NUBP1: variants seen among roughly 807,000 people sequenced by gnomAD.
NUBP1 encodes NUBP iron-sulfur cluster assembly factor 1, cytosolic.
A neutral mutation model predicts 41.8 loss-of-function variants in NUBP1; 46 were observed. The ratio of observed to expected loss-of-function variants is 1.10; its 90% CI spans 0.87 to 1.41. The LOEUF is 1.41. Ranked by LOEUF, NUBP1 falls within the 40% of genes most tolerant of loss-of-function variation. The pLI, the probability that NUBP1 is intolerant of heterozygous loss-of-function variation, is 0.00. For synonymous variants in NUBP1, 189 were observed against 154.6 expected, an observed-to-expected ratio of 1.22 and a Z score of -1.65; for missense variants, 494 against 414.0, an observed-to-expected ratio of 1.19 and a Z score of -1.68.
At chr16:10,762,154 T>C (rs907980343) in intron 9 of NUBP1, 1 of 260,410 alleles carries the variant, frequency 3.8e-6, no homozygotes, top group Admixed American at 4.9e-5. Context: ...GGGCACCCGA[T>C]AGAGGGGCGG....
intron 3 of NUBP1, among the ~76,000 whole-genome samples, chr16:10,751,812 G>C (rs189198315): frequency 1.3e-5 from 2 of 152,326 alleles, no homozygotes; most frequent in African/African-American, 4.8e-5. Context: ...GGAAAACAGG[G>C]CTTGGTCAGG....
intron 4 of NUBP1, among the ~76,000 whole-genome samples, chr16:10,754,676 G>A (rs1266078515): frequency 6.6e-6 from 1 of 152,184 alleles, no homozygotes; most frequent in Non-Finnish European, 1.5e-5. Flanking sequence ...AGGCTGGGAG[G>A]ATGTGAGACA....
In NUBP1 at chr16:10,765,464, C is replaced by A. The variant is rs1172267041; in HGVS notation, c.821-2485C>A. On this transcript the variant is annotated intron_variant, in intron 9 of 10. Coordinates refer to ENST00000283027, the MANE Select transcript of NUBP1 (RefSeq NM_002484.4). The surrounding 1 kb of genome is among the most constrained non-coding windows in gnomAD (Gnocchi z 4.0). ...TTGAGGTTGCAGTGAGCCATGATCA[C>A]ACCACTGCACTCCAGCCTGGGCGAC... Among the ~76,000 whole-genome samples, 1 of 151,938 alleles carries A rather than the reference C, an allele frequency of 6.6e-6. No individual in the cohort carries two copies. Among genetic ancestry groups the A allele is most frequent in the East Asian group, 1.9e-4 (1 of 5,184 alleles).
rs1442785271 is a variant in NUBP1, at chr16:10,768,839, G to T, written c.905-208G>T. The T allele has an allele frequency of 2.3e-5, 12 of 524,096 alleles. No individual in the cohort carries two copies. Among genetic ancestry groups the T allele is most frequent in the Middle Eastern group, 4.9e-4 (1 of 2,060 alleles). 32.5% of individuals were successfully genotyped at this position (524,096 alleles called of 1,614,324 possible). A position where few individuals can be genotyped will look rare whatever the true frequency, so the allele number is the denominator to read the frequency against. ...CTCCATCTATAGATGGTCCGAGGAA[G>T]GCCGCAGCCACTGGTTATGAGCAAG... On this transcript the variant is annotated intron_variant, in intron 10 of 10. Coordinates refer to ENST00000283027, the MANE Select transcript of NUBP1 (RefSeq NM_002484.4). The surrounding 1 kb of genome is among the most constrained non-coding windows in gnomAD (Gnocchi z 4.3).
chr16:10,743,851 CA>C lies in NUBP1; in HGVS notation c.-10del. The C allele has an allele frequency of 6.4e-7, 1 of 1,560,546 alleles. No individual in the cohort carries two copies. Among genetic ancestry groups the C allele is most frequent in the Non-Finnish European group, 8.7e-7 (1 of 1,152,516 alleles). ...CGGGTTCCGGTGACCACGAAGGCGG[CA>C]AAGGCGACGGAATGGAGGAGGTGCC... On this transcript the variant is annotated 5_prime_UTR_variant, in exon 1 of 11. Coordinates refer to ENST00000283027, the MANE Select transcript of NUBP1 (RefSeq NM_002484.4).
At position 10,759,016 on chromosome 16, in the gene NUBP1, C is replaced by A. The variant is rs752436591; in HGVS notation, c.606+989C>A. ...GGGCTCTTCTCCATCTCCACAGTTA[C>A]GCCTGACTTCTCTTCATGACGTTCT... is the stretch of plus-strand genomic sequence containing the variant. On this transcript the variant is annotated intron_variant, in intron 7 of 10. Coordinates refer to ENST00000283027, the MANE Select transcript of NUBP1 (RefSeq NM_002484.4). This position sits in a 1 kb window ranked among gnomAD's most constrained non-coding sequence, Gnocchi z 4.7. Among the ~76,000 whole-genome samples the A allele has an allele frequency of 6.6e-6, 1 of 152,174 alleles. No homozygotes were observed.
chr16:10,769,021 T>C, intron 10 of NUBP1, 26 bp from the exon 11 acceptor site: 1 of 1,612,926 alleles, frequency 6.2e-7, no homozygotes, highest in South Asian at 1.1e-5. Flanking sequence ...CCATTAGCAC[T>C]CTATGCCTGT....
intron 9 of NUBP1, chr16:10,764,945 C>T (rs62027826): frequency 0.29 from 50,785 of 177,828 alleles, 7,501 homozygotes; most frequent in South Asian, 0.37. Flanking sequence ...TGGCTGCTGT[C>T]GAGGAAAGCT....
intron 3 of NUBP1, 86 bp from the exon 4 acceptor site, chr16:10,752,524 C>T (rs1474680998): frequency 1.9e-5 from 21 of 1,099,558 alleles, no homozygotes; most frequent in Non-Finnish European, 2.8e-5. Flanking sequence ...TGTCCTTTTC[C>T]TCTAACCCCG....
chr16:10,756,809 C>T (rs1249386548), intron 6 of NUBP1, 29 bp downstream of exon 6: 7 of 1,562,320 alleles, frequency 4.5e-6, no homozygotes, highest in Non-Finnish European at 6.1e-6. Flanking sequence ...TTTTGTCTCT[C>T]ACATTCTTCC....
intron 4 of NUBP1, among the ~76,000 whole-genome samples, 157 bp downstream of exon 4, chr16:10,752,835 G>A (rs1056547787): frequency 1.3e-5 from 2 of 152,110 alleles, no homozygotes; most frequent in Admixed American, 6.5e-5. Context: ...CACTCTTGTC[G>A]CCCGGGCTGG....
intron 2 of NUBP1, 147 bp from the exon 3 acceptor site, chr16:10,746,996 T>C (rs1182783737): frequency 3.5e-6 from 3 of 855,406 alleles, no homozygotes; most frequent in Non-Finnish European, 5.5e-6. Context: ...ATTTCTACCA[T>C]TGTCTGAGAG....
At chr16:10,753,849 GGT>G (rs1900433649) in intron 4 of NUBP1, among the ~76,000 whole-genome samples, 1 of 152,076 alleles carries the variant, frequency 6.6e-6, no homozygotes, top group Non-Finnish European at 1.5e-5. Context: ...GCTGACACAA[GGT>G]GTCCTTGTGT....
chr16:10,748,134 A>G (rs1900147115), intron 3 of NUBP1, among the ~76,000 whole-genome samples: 1 of 151,978 alleles, frequency 6.6e-6, no homozygotes, highest in African/African-American at 2.4e-5. Context: ...GGTTTTTTGT[A>G]GAGATGAGGT....
At chr16:10,744,860 C>T (rs774640485) in intron 2 of NUBP1, among the ~76,000 whole-genome samples, 10 of 151,720 alleles carry the variant, frequency 6.6e-5, no homozygotes, top group Non-Finnish European at 1.5e-4. Context: ...CAGGTTCAAG[C>T]GATTCTCGTG....
rs771755709 is a variant in NUBP1, at chr16:10,744,004, A to C, written c.63A>C (p.Ser21=). ...GCGCCCAGGCGGGCAGAGGGGCTTC[A>C]TGTCAGGGATGCCCCAACCAGCGGC... is the stretch of plus-strand genomic sequence containing the variant. The part of the protein sequence containing the change: ...ADSAQAGRGA[S]CQGCPNQRLC... Residue 21 remains serine, a synonymous_variant, in exon 2 of 11, where the codon TCA becomes TCC. Transcript: ENST00000283027. 3.8e-6 allele frequency: 6 copies of C among 1,579,824 alleles called. No individual in the cohort carries two copies. In the African/African-American group the frequency reaches 8.3e-5, roughly 22 times the overall value.
chr16:10,768,031 G>A lies in NUBP1; in HGVS notation c.903G>A (p.Gln301=). Residue 301 remains glutamine, a splice_region_variant and synonymous_variant, in exon 10 of 11, where the codon CAG becomes CAA. Transcript: ENST00000283027. This position sits in a 1 kb window ranked among gnomAD's most constrained non-coding sequence, Gnocchi z 4.3. The part of the protein sequence containing the change: ...PATLAYRSII[Q]RIQEFCNLHQ... ...CGTTAGCCTACAGAAGTATAATTCA[G>A]AGTAAGTATTTCCATGAGTACTAAA... 6.2e-7 allele frequency: 1 copy of A among 1,613,842 alleles called. No individual in the cohort carries two copies. Among genetic ancestry groups the A allele is most frequent in the Middle Eastern group, 1.6e-4 (1 of 6,062 alleles).
At position 10,759,766 on chromosome 16, in the gene NUBP1, A is replaced by C. The variant is rs1900814414; in HGVS notation, c.607-1598A>C. Among the ~76,000 whole-genome samples, 1 of 152,096 alleles carries C rather than the reference A, an allele frequency of 6.6e-6. No homozygotes were observed. The highest frequency in any genetic ancestry group is 1.5e-5 in the Non-Finnish European group (1 of 68,020). On this transcript the variant is annotated intron_variant, in intron 7 of 10. Transcript: ENST00000283027. The surrounding 1 kb of genome is among the most constrained non-coding windows in gnomAD (Gnocchi z 4.7). Reference sequence around the variant, plus strand: ...ACTCCAGCCTGGGCGACAGAGCAAGACTCTGTCTCAAAAAAAGAAAGAAAG... The same window carrying C: ...ACTCCAGCCTGGGCGACAGAGCAAGCCTCTGTCTCAAAAAAAGAAAGAAAG...
At chr16:10,750,074 T>C (rs1026101871) in intron 3 of NUBP1, among the ~76,000 whole-genome samples, 12 of 152,186 alleles carry the variant, frequency 7.9e-5, no homozygotes, top group African/African-American at 2.9e-4. Context: ...GGTAAGCACC[T>C]GTAGTCCCAG....
Sources: allele counts gnomAD v4.1 joint callset (sites outside exome capture counted in the v4.1 genomes callset), GRCh38; gene constraint gnomAD v4.1.1; non-coding constraint Gnocchi (gnomAD v3.1); transcripts MANE v1.5; gene names NCBI Gene and HGNC (gene_info 2026-07-23, HGNC 2026-07-21).